The following LTBP2 variants were observed in gnomAD, a reference collection of about 807,000 sequenced individuals.
LTBP2 encodes latent-transforming growth factor beta-binding protein 2.
A neutral mutation model predicts 210.6 loss-of-function variants in LTBP2; 103 were observed. The observed-to-expected ratio is 0.49, with a 90% confidence interval of 0.42 to 0.58. The LOEUF is 0.58. LTBP2 is among the 20% of genes least tolerant of loss of function. LTBP2 has a pLI of 0.00. For synonymous variants in LTBP2, 1,007 were observed against 1,015.0 expected, an observed-to-expected ratio of 0.99 and a Z score of 0.15; for missense variants, 2,313 against 2,494.5, an observed-to-expected ratio of 0.93 and a Z score of 1.55.
In LTBP2 at chr14:74,612,023, G is replaced by A; in HGVS notation, c.-79C>T. 7.2e-7 allele frequency: 1 copy of A among 1,384,002 alleles called. No homozygotes were observed. Among genetic ancestry groups the A allele is most frequent in the South Asian group, 1.6e-5 (1 of 63,228 alleles). The allele number at this position is 1,384,002 out of a possible 1,614,324, so 85.7% of individuals were successfully genotyped here. On this transcript the variant is annotated 5_prime_UTR_variant, in exon 1 of 36. Transcript: ENST00000261978. ...TCGGCACGCTGGACGCCCGCGGGCT[G>A]TTCTCCCGGCCCCGCCCGGCGGCCA...
intron 8 of LTBP2, among the ~76,000 whole-genome samples, chr14:74,546,315 T>C (rs2087575504): frequency 6.6e-6 from 1 of 152,156 alleles, no homozygotes. Flanking sequence ...TGGCAGCTTG[T>C]CTTTTCTTCC....
intron 3 of LTBP2, among the ~76,000 whole-genome samples, chr14:74,583,871 C>A (rs1183958036): frequency 6.6e-6 from 1 of 152,214 alleles, no homozygotes; most frequent in Non-Finnish European, 1.5e-5. Context: ...CATCTGAAGG[C>A]AGGGTGAAAA....
chr14:74,510,301 G>A lies in LTBP2; in HGVS notation c.3029-88C>T. On this transcript the variant is annotated intron_variant, in intron 19 of 35. Transcript: ENST00000261978. ...AGGCTCCAAGCATCTCAGTTATGAG[G>A]CCAGGGAACCAGCCTTCAGAGGGGC... The A allele has an allele frequency of 2.5e-6, 4 of 1,583,878 alleles. No individual in the cohort carries two copies. The South Asian group carries it at 4.5e-5, about 18-fold the overall frequency.
chr14:74,558,425 C>T (rs1182791776), intron 3 of LTBP2, among the ~76,000 whole-genome samples: 1 of 152,188 alleles, frequency 6.6e-6, no homozygotes, highest in Non-Finnish European at 1.5e-5. Context: ...AAAGCAAACT[C>T]CCTCCGAGGA....
In LTBP2 at chr14:74,528,530, C is replaced by G. The variant is rs762759973; in HGVS notation, c.2321G>C (p.Arg774Pro). 1.2e-6 allele frequency: 2 copies of G among 1,612,368 alleles called. No individual in the cohort carries two copies. Among genetic ancestry groups the G allele is most frequent in the Non-Finnish European group, 1.7e-6 (2 of 1,180,036 alleles). ...CTCAAGCCAGGTGTCCGTGACGACC[C>G]GGAGGGGCTGCCTCTCTGCTGGCCC... ...LPGPAERQPL[R>P]VVTDTWLEAG... Residue 774 changes from arginine (R) to proline (P), a missense_variant, in exon 12 of 36, where the codon CGG becomes CCG. Around this residue, in one of 3 missense-constraint regions of LTBP2, gnomAD observed 1,867 missense variants for 1,976.9 expected, o/e 0.94. Coordinates refer to ENST00000261978, the MANE Select transcript of LTBP2 (RefSeq NM_000428.3).
intron 2 of LTBP2, among the ~76,000 whole-genome samples, chr14:74,588,244 C>T (rs749385073): frequency 2.6e-5 from 4 of 152,130 alleles, no homozygotes; most frequent in East Asian, 1.9e-4. Flanking sequence ...TGTTTTGAGA[C>T]GGAGTTTCAC....
intron 23 of LTBP2, 31 bp downstream of exon 23, chr14:74,508,799 C>A (rs542363733): frequency 6.2e-6 from 10 of 1,613,674 alleles, no homozygotes; most frequent in Admixed American, 5.0e-5. Flanking sequence ...TCATGCCCCC[C>A]ACCCCCAGTA....
chr14:74,546,516 GT>G (rs2087578088), intron 8 of LTBP2, among the ~76,000 whole-genome samples: 1 of 152,182 alleles, frequency 6.6e-6, no homozygotes, highest in Non-Finnish European at 1.5e-5. Context: ...TGTTGCCCTG[GT>G]CTTTGTTATT....
chr14:74,505,219 AG>A, intron 28 of LTBP2, 45 bp from the exon 29 acceptor site: 1 of 1,581,846 alleles, frequency 6.3e-7, no homozygotes. Context: ...TGACCCTCTA[AG>A]GGGGGTCAAT....
At chr14:74,574,058 A>G (rs2088022359) in intron 3 of LTBP2, among the ~76,000 whole-genome samples, 1 of 152,162 alleles carries the variant, frequency 6.6e-6, no homozygotes, top group Non-Finnish European at 1.5e-5. Flanking sequence ...AGCTTATTCA[A>G]TAAGGCTCCA....
At chr14:74,588,540 T>G (rs1056215803) in intron 2 of LTBP2, among the ~76,000 whole-genome samples, 1 of 152,208 alleles carries the variant, frequency 6.6e-6, no homozygotes, top group African/African-American at 2.4e-5. Flanking sequence ...AGTTTTTTTA[T>G]GCATGTGTCT....
At chr14:74,531,690 G>A (rs72732127) in intron 10 of LTBP2, among the ~76,000 whole-genome samples, 1,823 of 152,364 alleles carry the variant, frequency 0.012, 15 homozygotes, top group Non-Finnish European at 0.018. Context: ...TGAGCTGGGC[G>A]TGGCCCATCC....
intron 17 of LTBP2, among the ~76,000 whole-genome samples, chr14:74,518,361 C>T (rs1174199582): frequency 5.3e-5 from 8 of 152,262 alleles, no homozygotes; most frequent in South Asian, 2.1e-4. Context: ...CTTGCATGAC[C>T]GGCCCCAGCC....
At chr14:74,582,058 C>T (rs1484108570) in intron 3 of LTBP2, among the ~76,000 whole-genome samples, 10 of 142,260 alleles carry the variant, frequency 7.0e-5, no homozygotes, top group Non-Finnish European at 1.5e-4. Flanking sequence ...TCACTCTTGT[C>T]ACCCCAGCTG....
intron 17 of LTBP2, among the ~76,000 whole-genome samples, chr14:74,519,301 A>G (rs862043): frequency 0.061 from 9,340 of 152,168 alleles, 664 homozygotes; most frequent in East Asian, 0.22. Flanking sequence ...AAACCCGGCC[A>G]AGAATCTAGA....
At chr14:74,600,168 C>T (rs1032155773) in intron 2 of LTBP2, among the ~76,000 whole-genome samples, 68 of 152,190 alleles carry the variant, frequency 4.5e-4, no homozygotes, top group Non-Finnish European at 1.0e-4. Flanking sequence ...CGCCCGCCTG[C>T]GTGGGTTCTC....
rs1211210476 is a variant in LTBP2, at chr14:74,501,520, G to A, written c.5241C>T (p.Arg1747=). ...TGTAGCCCTCCCGCACGCGCACACA[G>A]CGGCCATTCTCACAGCCGTTCAGGA... The part of the protein sequence containing the change: ...CGILNGCENG[R]CVRVREGYTC... The change falls in exon 35 of 36, where the codon CGC becomes CGT. Residue 1747 remains arginine, a synonymous_variant. Transcript: ENST00000261978. 9 of 1,614,194 alleles carry A rather than the reference G, an allele frequency of 5.6e-6. No homozygotes were observed. Among genetic ancestry groups the A allele is most frequent in the Non-Finnish European group, 6.8e-6 (8 of 1,180,046 alleles).
Position 74,603,694 on chromosome 14 carries a change from C to T in LTBP2, c.506G>A (p.Cys169Tyr), listed in dbSNP as rs1239759509. Residue 169 changes from cysteine to tyrosine, a missense_variant, in exon 2 of 36, where the codon TGC (cysteine) becomes TAC (tyrosine). Cys to Tyr is a radical substitution (Grantham distance 194). This residue lies in a region of LTBP2 where 1,867 missense variants were observed against 1,976.9 expected (regional missense o/e 0.94). Coordinates refer to ENST00000261978, the MANE Select transcript of LTBP2 (RefSeq NM_000428.3). ...CCATCCTGGGCAGCACTGTCCCCCG[C>T]AGACGTTCCTCCTGTGGGGTCACCA... ...PRGRLTGRNVCGGQCCPGWTT... is the reference protein window; with the variant it reads ...PRGRLTGRNVYGGQCCPGWTT... 6.2e-7 allele frequency: 1 copy of T among 1,614,200 alleles called. No individual in the cohort carries two copies. The highest frequency in any genetic ancestry group is 1.1e-5 in the South Asian group (1 of 91,082).
At chr14:74,509,119 TG>T (rs1188501415) in intron 22 of LTBP2, 118 bp downstream of exon 22, 82 of 1,580,752 alleles carry the variant, frequency 5.2e-5, no homozygotes, top group Middle Eastern at 3.4e-4. Context: ...GAGCGACTCT[TG>T]GGGAGCGGGA....
Sources: allele counts gnomAD v4.1 joint callset (sites outside exome capture counted in the v4.1 genomes callset), GRCh38; gene constraint gnomAD v4.1.1; regional missense constraint gnomAD v4.1.1; transcripts MANE v1.5; gene names NCBI Gene and HGNC (gene_info 2026-07-23, HGNC 2026-07-21).